CFAP47: variants seen among roughly 807,000 people sequenced by gnomAD.
CFAP47 encodes the protein cilia and flagella associated protein 47, also known as cilia- and flagella-associated protein 47.
A neutral mutation model predicts 148.1 loss-of-function variants in CFAP47; 29 were observed. The ratio of observed to expected loss-of-function variants is 0.20; its 90% confidence interval spans 0.15 to 0.27. The LOEUF (loss-of-function observed/expected upper bound fraction) is 0.27, where lower values mean the gene tolerates loss of function less well. Among genes scored for constraint, CFAP47 ranks in the 10% least tolerant of loss-of-function variants. The pLI, the probability that CFAP47 is intolerant of heterozygous loss-of-function variation, is 1.00. For synonymous variants in CFAP47, 664 were observed against 577.3 expected (o/e 1.15, Z -2.15); for missense variants, 1,872 against 1,697.5 (o/e 1.10, Z -1.81).
chrX:35,943,791 G>A (rs749571229), intron 3 of CFAP47, among the ~76,000 whole-genome samples: 4 of 111,443 alleles, frequency 3.6e-5, no homozygotes, highest in Non-Finnish European at 5.7e-5. Context: ...CTTCCTTAAT[G>A]TGAGCATACT....
chrX:36,272,944 GC>G (rs58762097), intron 49 of CFAP47, among the ~76,000 whole-genome samples: 2,231 of 110,880 alleles, frequency 0.02, 60 homozygotes, highest in African/African-American at 0.069. Flanking sequence ...CATATTATAT[GC>G]CAGGGAAATA....
At chrX:35,985,242 G>A (rs1039876458) in intron 15 of CFAP47, among the ~76,000 whole-genome samples, 1 of 111,211 alleles carries the variant, frequency 9.0e-6, no homozygotes, top group East Asian at 2.8e-4. Flanking sequence ...GAACATCCGT[G>A]CTGGAGGGAC....
intron 36 of CFAP47, among the ~76,000 whole-genome samples, 171 bp downstream of exon 36, chrX:36,145,524 C>T (rs1158339135): frequency 4.5e-5 from 5 of 111,643 alleles, no homozygotes; most frequent in African/African-American, 1.3e-4. Context: ...TCTAGATGAG[C>T]GAAAGGTGCA....
intron 45 of CFAP47, among the ~76,000 whole-genome samples, chrX:36,221,880 T>A (rs781901124): frequency 9.0e-6 from 1 of 111,376 alleles, no homozygotes; most frequent in Non-Finnish European, 1.9e-5. Flanking sequence ...CAGTGGAAGA[T>A]CTTATTAGAC....
chrX:36,333,038 G>T (rs1472015415), intron 57 of CFAP47, among the ~76,000 whole-genome samples: 2 of 111,458 alleles, frequency 1.8e-5, no homozygotes, highest in African/African-American at 3.3e-5. Flanking sequence ...CTCCAATGTC[G>T]CATCTCCAAA....
rs746492861 is a variant in CFAP47 at position 36,149,159 on chromosome X, G to A, written c.5722G>A (p.Val1908Ile). Residue 1908 changes from valine to isoleucine, a missense_variant, in exon 37 of 64, where the codon GTT (valine) becomes ATT (isoleucine). By Grantham distance (29) the Val-to-Ile change is conservative. Transcript: ENST00000378653. ...AAACTTAGTGTATAATGCTAGAATTGTTGGAAGAGATGCTGCTGACTTCTC... is the reference window on the plus strand; with the variant it reads ...AAACTTAGTGTATAATGCTAGAATTATTGGAAGAGATGCTGCTGACTTCTC... ...SRNLVYNARI[V>I]GRDAADFSLS... 2.4e-4 allele frequency: 72 copies of A among 294,581 alleles called. No individual in the cohort carries two copies. Among genetic ancestry groups the A allele is most frequent in the African/African-American group, 1.9e-3 (68 of 36,194 alleles). The allele number at this position is 294,581 out of a possible 1,213,427, so 24.3% of individuals were successfully genotyped here. A position where few individuals can be genotyped will look rare whatever the true frequency, so the allele number is the denominator to read the frequency against.
intron 7 of CFAP47, 149 bp from the exon 8 acceptor site, chrX:35,955,812 G>C: frequency 1.2e-6 from 1 of 856,409 alleles, no homozygotes; most frequent in Non-Finnish European, 1.6e-6. Flanking sequence ...GCGTGACACA[G>C]AGAAGACACT....
chrX:36,127,114 A>C (rs773771389), intron 33 of CFAP47, among the ~76,000 whole-genome samples: 14 of 111,321 alleles, frequency 1.3e-4, no homozygotes, highest in Non-Finnish European at 2.6e-4. Flanking sequence ...CCCATTTGTC[A>C]ATTTTGGTTT....
intron 60 of CFAP47, among the ~76,000 whole-genome samples, chrX:36,360,362 G>A (rs187884424): frequency 4.4e-4 from 49 of 111,630 alleles, no homozygotes; most frequent in Non-Finnish European, 7.3e-4. Flanking sequence ...AGGCAGATCT[G>A]GGGCCATGAC....
In CFAP47 at chrX:36,188,742, G is replaced by A. The variant is rs6629050; in HGVS notation, c.6175+52G>A. On this transcript the variant is annotated intron_variant, in intron 41 of 63. Coordinates refer to ENST00000378653, the MANE Select transcript of CFAP47 (RefSeq NM_001304548.2). ...TTGTTTTCATGTCTGATTTTTATAT[G>A]CAAAGCATAATATGAAATGAGATAT... is the stretch of plus-strand genomic sequence containing the variant. 139 of 292,647 alleles carry A rather than the reference G, an allele frequency of 4.7e-4. No individual in the cohort carries two copies. In the East Asian group the frequency reaches 5.8e-3, roughly 12 times the overall value. 24.1% of individuals were successfully genotyped at this position (292,647 alleles called of 1,213,427 possible).
intron 45 of CFAP47, among the ~76,000 whole-genome samples, chrX:36,219,721 G>T (rs1555990563): frequency 1.8e-5 from 2 of 110,808 alleles, no homozygotes; most frequent in African/African-American, 6.6e-5. Flanking sequence ...ACAACCATTT[G>T]TCTCTTATCT....
chrX:36,334,914 T>C lies in CFAP47; in HGVS notation c.8444-13215T>C, dbSNP rs112894707. On this transcript the variant is annotated intron_variant, in intron 57 of 63. Transcript: ENST00000378653. ...CAAAACATGGTGTTTGTTTCTTTTA[T>C]GGCAATCTATGATGAATTTTATGGA... 6.3e-3 allele frequency among the ~76,000 whole-genome samples: 693 copies of C among 110,733 alleles called. 5 individuals are homozygous for C. Among genetic ancestry groups the C allele is most frequent in the Non-Finnish European group, 9.0e-3 (474 of 52,921 alleles).
chrX:36,052,174 G>C (rs747432409), intron 26 of CFAP47, among the ~76,000 whole-genome samples: 63 of 111,952 alleles, frequency 5.6e-4, no homozygotes, highest in African/African-American at 1.8e-3. Flanking sequence ...TGAAGTGTCT[G>C]CTCTATGAAT....
chrX:36,351,343 A>G (rs1286519972), intron 59 of CFAP47, among the ~76,000 whole-genome samples: 1 of 112,007 alleles, frequency 8.9e-6, no homozygotes, highest in Non-Finnish European at 1.9e-5. Flanking sequence ...ACTTGTCATA[A>G]AATTTATTTT....
chrX:36,037,902 G>T (rs1052002094), intron 24 of CFAP47, among the ~76,000 whole-genome samples: 3 of 111,255 alleles, frequency 2.7e-5, no homozygotes, highest in Non-Finnish European at 5.7e-5. Flanking sequence ...TCAGCTCAAA[G>T]TATACATAAT....
chrX:36,062,030 C>A (rs1230485602), intron 26 of CFAP47, among the ~76,000 whole-genome samples: 1 of 111,271 alleles, frequency 9.0e-6, no homozygotes, highest in Non-Finnish European at 1.9e-5. Context: ...TTTTTTCTAG[C>A]TGCTTTGCAG....
Position 36,037,917 on chromosome X carries a change from T to G in CFAP47, c.3812-1067T>G, listed in dbSNP as rs1231020091. Among the ~76,000 whole-genome samples, 5 of 111,824 alleles carry G rather than the reference T, an allele frequency of 4.5e-5. No individual in the cohort carries two copies. In the Admixed American group the frequency reaches 4.8e-4, roughly 11 times the overall value. ...TCAGCTCAAAGTATACATAATTTAT[T>G]TAAATTTTTCACATAGTCTTTCCAG... On this transcript the variant is annotated intron_variant, in intron 24 of 63. Transcript: ENST00000378653.
At chrX:35,985,791 G>A (rs899247803) in intron 15 of CFAP47, among the ~76,000 whole-genome samples, 1 of 111,752 alleles carries the variant, frequency 8.9e-6, no homozygotes, top group Non-Finnish European at 1.9e-5. Context: ...ATCACTGTAA[G>A]CCTTGGAGTG....
chrX:36,051,799 C>G (rs980645915), intron 26 of CFAP47, among the ~76,000 whole-genome samples: 1 of 111,051 alleles, frequency 9.0e-6, no homozygotes, highest in Non-Finnish European at 1.9e-5. Context: ...GGCTATGTCT[C>G]TACCCAAAGC....
Sources: allele counts gnomAD v4.1 joint callset (sites outside exome capture counted in the v4.1 genomes callset), GRCh38; gene constraint gnomAD v4.1.1; transcripts MANE v1.5; gene names NCBI Gene and HGNC (gene_info 2026-07-23, HGNC 2026-07-21).